Variants in CD151 observed in about 807,000 individuals in gnomAD.
The protein encoded by CD151 is CD151 antigen.
Under a neutral mutation model 34.2 loss-of-function variants are expected in CD151, and 20 were observed. The ratio of observed to expected loss-of-function variants is 0.58; its 90% CI spans 0.41 to 0.85. The LOEUF (loss-of-function observed/expected upper bound fraction) is 0.85, where lower values mean the gene tolerates loss of function less well. Among genes scored for constraint, CD151 ranks in the 40% least tolerant of loss-of-function variants. The probability of loss-of-function intolerance (pLI) is 0.00; values close to 1 mark genes in which losing one functional copy is unlikely to be tolerated. For missense variants in CD151, 306 were observed against 324.5 expected (o/e 0.94, Z 0.44); for synonymous variants, 157 against 131.7 (o/e 1.19, Z -1.32).
In CD151 at chr11:838,696, C is replaced by T. The variant is rs1218870381; in HGVS notation, c.*504C>T. The T allele has an allele frequency of 9.9e-6, 2 of 201,628 alleles. No individual in the cohort carries two copies. The highest frequency in any genetic ancestry group is 2.0e-5 in the Non-Finnish European group (2 of 97,804). The allele number at this position is 201,628 out of a possible 1,614,324, so 12.5% of individuals were successfully genotyped here. Reference sequence around the variant, plus strand: ...CCGCAGTCACCACCACCCGAAATGCCACGTGGTCACTGTGCACTGCCCTGT... The same window carrying T: ...CCGCAGTCACCACCACCCGAAATGCTACGTGGTCACTGTGCACTGCCCTGT... On this transcript the variant is annotated 3_prime_UTR_variant, in exon 9 of 9. Transcript: ENST00000397420.
intron 8 of CD151, 32 bp from the exon 9 acceptor site, chr11:838,101 G>C: frequency 6.2e-7 from 1 of 1,610,676 alleles, no homozygotes; most frequent in Non-Finnish European, 8.5e-7. Flanking sequence ...GCCCCATGAC[G>C]TCTGCTTACG....
chr11:834,826 G>A (rs1347148886), intron 2 of CD151: 1 of 152,452 alleles, frequency 6.6e-6, no homozygotes, highest in African/African-American at 2.4e-5. Context: ...CGCCTGTCCA[G>A]GAAAAACCCT....
At chr11:833,301 C>G (rs958067856) in intron 1 of CD151, among the ~76,000 whole-genome samples, 1 of 152,186 alleles carries the variant, frequency 6.6e-6, no homozygotes, top group Admixed American at 6.5e-5. Context: ...CTCCCGGGCC[C>G]TTGGACCGGC....
At position 838,206 on chromosome 11, in the gene CD151, C is replaced by G. The variant is rs751123997; in HGVS notation, c.*14C>G. The stretch of plus-strand genomic sequence containing the variant: ...GAGCACTACTGACCCTGCCTTGGGC[C>G]TTGCTGCTGCTGCACCCAACTACTG... On this transcript the variant is annotated 3_prime_UTR_variant, in exon 9 of 9. Transcript: ENST00000397420. 2.5e-5 allele frequency: 41 copies of G among 1,608,970 alleles called. No individual in the cohort carries two copies. Among genetic ancestry groups the G allele is most frequent in the Non-Finnish European group, 3.2e-5 (38 of 1,176,334 alleles).
rs1292920919 is a variant in CD151, at chr11:837,510, G to A, written c.507G>A (p.Trp169Ter). 1 of 1,612,982 alleles carries A rather than the reference G, an allele frequency of 6.2e-7. No individual in the cohort carries two copies. The highest frequency in any genetic ancestry group is 2.2e-5 in the East Asian group (1 of 44,868). Residue 169 changes from tryptophan (W) to a stop codon, truncating the protein, a stop_gained, in exon 7 of 9, where the codon TGG (tryptophan) becomes TGA (stop). Coordinates refer to ENST00000397420, the MANE Select transcript of CD151 (RefSeq NM_004357.5). LOFTEE classifies it high-confidence loss of function. The stretch of plus-strand genomic sequence containing the variant: ...CACAGGACTGGCGAGACAGTGAGTG[G>A]ATCCGCTCACAGGAGGCCGGTGGCC... The part of the protein sequence containing the change: ...NNSQDWRDSE[W>*]IRSQEAGGRV...
In CD151 at chr11:837,451, T is replaced by C; in HGVS notation, c.457-9T>C. On this transcript the variant is annotated splice_polypyrimidine_tract_variant and intron_variant, in intron 6 of 8. Coordinates refer to ENST00000397420, the MANE Select transcript of CD151 (RefSeq NM_004357.5). Reference sequence around the variant, plus strand: ...CCAGGTCTCAACCCCAGCCTTGTTCTTGATGCAGTTCCACTGCTGTGGCAG... The same window carrying C: ...CCAGGTCTCAACCCCAGCCTTGTTCCTGATGCAGTTCCACTGCTGTGGCAG... The C allele has an allele frequency of 1.2e-6, 2 of 1,612,864 alleles. No individual in the cohort carries two copies. Among genetic ancestry groups the C allele is most frequent in the Non-Finnish European group, 1.7e-6 (2 of 1,179,888 alleles).
rs772268648 is a variant in CD151 at position 836,303 on chromosome 11, G to C, written c.137G>C (p.Ser46Thr). 1 of 1,612,790 alleles carries C rather than the reference G, an allele frequency of 6.2e-7. No homozygotes were observed. The highest frequency in any genetic ancestry group is 8.5e-7 in the Non-Finnish European group (1 of 1,179,956). ...GGCATCTGGACGCTGGCCCTCAAGAGTGACTACATCAGCCTGCTGGCCTCA... is the reference window on the plus strand; with the variant it reads ...GGCATCTGGACGCTGGCCCTCAAGACTGACTACATCAGCCTGCTGGCCTCA... ...AVGIWTLALK[S>T]DYISLLASGT... The change falls in exon 4 of 9, where the codon AGT becomes ACT. Residue 46 changes from serine (S) to threonine (T), a missense_variant. Coordinates refer to ENST00000397420, the MANE Select transcript of CD151 (RefSeq NM_004357.5).
intron 5 of CD151, 115 bp downstream of exon 5, chr11:836,958 C>T: frequency 1.1e-6 from 1 of 927,146 alleles, no homozygotes; most frequent in Non-Finnish European, 1.7e-6. Context: ...CCAGAGCTAA[C>T]CAATGTGCCA....
Position 837,976 on chromosome 11 carries a change from A to C in CD151, c.650A>C (p.Gln217Pro), listed in dbSNP as rs200997452. Residue 217 changes from glutamine to proline, a missense_variant, in exon 8 of 9, where the codon CAG (glutamine) becomes CCG (proline). Gln to Pro is a moderately conservative substitution (Grantham distance 76, BLOSUM62 -1). Coordinates refer to ENST00000397420, the MANE Select transcript of CD151 (RefSeq NM_004357.5). ...GCITKLETFI[Q>P]EHLRVIGAVG... ...ATCACCAAGTTGGAGACCTTCATCC[A>C]GGAGCACCTGAGGGTCATTGGGGCT... 5 of 1,613,184 alleles carry C rather than the reference A, an allele frequency of 3.1e-6. No individual in the cohort carries two copies. The highest frequency in any genetic ancestry group is 4.2e-6 in the Non-Finnish European group (5 of 1,179,872).
chr11:835,368 TCTCA>T (rs1341980348), intron 2 of CD151: 2 of 152,272 alleles, frequency 1.3e-5, no homozygotes, highest in Non-Finnish European at 2.9e-5. Flanking sequence ...TGAGATGGAG[TCTCA>T]CTGTCGCCCA....
intron 7 of CD151, 121 bp downstream of exon 7, chr11:837,739 AG>A (rs1846831760): frequency 9.2e-7 from 1 of 1,090,798 alleles, no homozygotes. Flanking sequence ...GGGTCACCCC[AG>A]TGGCCGGATG....
At position 837,625 on chromosome 11, in the gene CD151, G is replaced by A. The variant is rs1308415599; in HGVS notation, c.615+7G>A. ...CAACATCTACAAGGTGGAGGTGGGT[G>A]TGCAGCGGGATCATGCCTCCAGTGT... On this transcript the variant is annotated splice_region_variant and intron_variant, in intron 7 of 8. Transcript: ENST00000397420. 11 of 1,610,612 alleles carry A rather than the reference G, an allele frequency of 6.8e-6. No individual in the cohort carries two copies. Among genetic ancestry groups the A allele is most frequent in the African/African-American group, 1.3e-5 (1 of 74,798 alleles).
Position 834,526 on chromosome 11 carries a change from C to G in CD151, c.-69-4C>G, listed in dbSNP as rs1284055528. 6.6e-6 allele frequency: 1 copy of G among 152,432 alleles called. No homozygotes were observed. Among genetic ancestry groups the G allele is most frequent in the Non-Finnish European group, 1.5e-5 (1 of 68,204 alleles). 9.4% of individuals were successfully genotyped at this position (152,432 alleles called of 1,614,324 possible). A position where few individuals can be genotyped will look rare whatever the true frequency, so the allele number is the denominator to read the frequency against. ...TGTGACCTGACATGTCCTTGCCCCT[C>G]TAGCCTAGAGTCCTGGGGAGCTTCT... On this transcript the variant is annotated splice_region_variant and splice_polypyrimidine_tract_variant and intron_variant, in intron 1 of 8. Transcript: ENST00000397420.
At chr11:834,381 A>C (rs1402509215) in intron 1 of CD151, 149 bp from the exon 2 acceptor site, 1 of 152,484 alleles carries the variant, frequency 6.6e-6, no homozygotes, top group Non-Finnish European at 1.5e-5. Context: ...AAAGAAAAAA[A>C]CAAAATGTCT....
chr11:837,562 A>G lies in CD151; in HGVS notation c.559A>G (p.Thr187Ala). 1.9e-6 allele frequency: 3 copies of G among 1,613,044 alleles called. No homozygotes were observed. The highest frequency in any genetic ancestry group is 1.1e-5 in the South Asian group (1 of 91,048). The change falls in exon 7 of 9, where the codon ACG becomes GCG. Residue 187 changes from threonine (T) to alanine (A), a missense_variant. Transcript: ENST00000397420. ...TGTGGTCCCAGACAGCTGCTGCAAGACGGTGGTGGCTCTTTGTGGGCAGCG... is the reference window on the plus strand; with the variant it reads ...TGTGGTCCCAGACAGCTGCTGCAAGGCGGTGGTGGCTCTTTGTGGGCAGCG... The part of the protein sequence containing the change: ...GRVVPDSCCK[T>A]VVALCGQRDH...
chr11:836,183 C>T (rs766369908), intron 3 of CD151, 30 bp downstream of exon 3: 5 of 1,451,082 alleles, frequency 3.4e-6, no homozygotes, highest in Admixed American at 1.7e-5. Flanking sequence ...CCCCCACCCC[C>T]ACCCCCACCC....
chr11:832,980 G>GCCGCCC lies in CD151; in HGVS notation c.-115_-114insCGCCCC. The stretch of plus-strand genomic sequence containing the variant: ...CTCAGCGCTGGGAGCCGCCGCCCCC[G>GCCGCCC]CAGCTGCTGCCGCCGCCGCCAGGGC... On this transcript the variant is annotated 5_prime_UTR_variant, in exon 1 of 9. Transcript: ENST00000397420. The GCCGCCC allele has an allele frequency of 1.4e-5, 1 of 71,056 alleles. No individual in the cohort carries two copies. Among genetic ancestry groups the GCCGCCC allele is most frequent in the African/African-American group, 4.1e-5 (1 of 24,380 alleles). 4.4% of individuals were successfully genotyped at this position (71,056 alleles called of 1,614,324 possible).
rs1846793056 is a variant in CD151, at chr11:836,858, C to G, written c.351+15C>G. The G allele has an allele frequency of 6.2e-7, 1 of 1,610,458 alleles. No individual in the cohort carries two copies. The highest frequency in any genetic ancestry group is 1.1e-5 in the South Asian group (1 of 91,012). ...ACTACCAGCAGGTGAGGGGCCTGGG[C>G]AGGCCATTCAGAGACACAGACATGC... On this transcript the variant is annotated intron_variant, in intron 5 of 8. Transcript: ENST00000397420.
rs757238543 is a variant in CD151, at chr11:837,353, A to G, written c.455A>G (p.Glu152Gly). 2 of 1,612,392 alleles carry G rather than the reference A, an allele frequency of 1.2e-6. No individual in the cohort carries two copies. Among genetic ancestry groups the G allele is most frequent in the Non-Finnish European group, 1.7e-6 (2 of 1,179,566 alleles). The change falls in exon 6 of 9, where the codon GAG (glutamate) becomes GGG (glycine). Residue 152 changes from glutamate to glycine, a missense_variant and splice_region_variant. By Grantham distance (98) the Glu-to-Gly change is moderately conservative (BLOSUM62 -2). Transcript: ENST00000397420. ...AGCGCTGTGGACCAGCTGCAGCAGG[A>G]GGTGGGTGGGTGGTGCTGGGAGGGC... is the stretch of plus-strand genomic sequence containing the variant. ...VTSAVDQLQQ[E>G]FHCCGSNNSQ...
Sources: gnomAD v4.1 joint callset for allele counts (sites outside exome capture counted in the v4.1 genomes callset) on GRCh38, gnomAD v4.1.1 for gene constraint, MANE v1.5 for transcripts, NCBI Gene and HGNC (gene_info 2026-07-23, HGNC 2026-07-21) for gene names.